Variants in DOT1L observed in about 807,000 individuals in gnomAD.
DOT1L encodes histone-lysine N-methyltransferase, H3 lysine-79 specific.
A neutral mutation model predicts 153.3 loss-of-function variants in DOT1L; 33 were observed. The observed-to-expected ratio is 0.22, with a 90% confidence interval of 0.16 to 0.29. The LOEUF (loss-of-function observed/expected upper bound fraction) is 0.29, where lower values mean the gene tolerates loss of function less well. DOT1L is among the 10% of genes least tolerant of loss of function. The probability of loss-of-function intolerance (pLI) is 1.00; values close to 1 mark genes in which losing one functional copy is unlikely to be tolerated. For missense variants in DOT1L, 1,847 were observed against 2,119.9 expected, an observed-to-expected ratio of 0.87 and a Z score of 2.53; for synonymous variants, 1,135 against 965.1, an observed-to-expected ratio of 1.18 and a Z score of -3.26.
chr19:2,216,193 A>T (rs2023890578), intron 19 of DOT1L, 88 bp from the exon 20 acceptor site: 2 of 1,486,310 alleles, frequency 1.3e-6, no homozygotes, highest in East Asian at 4.6e-5. Flanking sequence ...GGTCCTGGCC[A>T]CCCCTCCGGG....
chr19:2,176,494 G>A (rs1254420466), intron 1 of DOT1L, among the ~76,000 whole-genome samples: 1 of 152,182 alleles, frequency 6.6e-6, no homozygotes, highest in African/African-American at 2.4e-5. Flanking sequence ...ATAATGTCAC[G>A]CTGCCAAGGA....
chr19:2,213,174 G>A (rs758335797), intron 16 of DOT1L: 5 of 203,358 alleles, frequency 2.5e-5, no homozygotes, highest in East Asian at 1.3e-4. Flanking sequence ...TTGCTGTTAC[G>A]CTGCAGAAGG....
Position 2,166,077 on chromosome 19 carries a change from ATATGT to A in DOT1L, c.81+1834_81+1838del, listed in dbSNP as rs369384556. Among the ~76,000 whole-genome samples, 84 of 146,420 alleles carry A rather than the reference ATATGT, an allele frequency of 5.7e-4. 1 individual carries two copies. In the East Asian group the frequency reaches 7.1e-3, roughly 12 times the overall value. On this transcript the variant is annotated intron_variant, in intron 1 of 27. Transcript: ENST00000398665. Reference sequence around the variant, plus strand: ...GAGCCACCGCGCCCGGCCCACATTTATATGTTATGTTATGTTATGTTATGTTGTTA... The same window carrying A: ...GAGCCACCGCGCCCGGCCCACATTTATATGTTATGTTATGTTATGTTGTTA...
chr19:2,203,218 G>C (rs1214876380), intron 9 of DOT1L, among the ~76,000 whole-genome samples: 1 of 152,198 alleles, frequency 6.6e-6, no homozygotes, highest in African/African-American at 2.4e-5. Context: ...TTCTGCCTCA[G>C]CCTCCCAAGT....
In DOT1L at chr19:2,190,513, CCCT is replaced by C. The variant is rs2144739631; in HGVS notation, c.265-498_265-496del. Among the ~76,000 whole-genome samples the C allele has an allele frequency of 6.6e-6, 1 of 152,226 alleles. No individual in the cohort carries two copies. The highest frequency in any genetic ancestry group is 2.4e-5 in the African/African-American group (1 of 41,526). ...ACCTCATGCATGCAGCTCTGTGGGC[CCCT>C]GAGAGCTGAGCTGGCCTGGGCGAGA... On this transcript the variant is annotated intron_variant, in intron 4 of 27. Transcript: ENST00000398665. This position sits in a 1 kb window ranked among gnomAD's most constrained non-coding sequence, Gnocchi z 4.8.
chr19:2,193,690 T>G lies in DOT1L; in HGVS notation c.495T>G (p.Gly165=). ...DDDLFVDLGS[G]VGQVVLQVAA... is the part of the protein sequence containing the mutation. ...TCTGATGGATCTCTCTGATCATAGG[T>G]GTGGGCCAGGTCGTGCTCCAGGTTG... is the stretch of plus-strand genomic sequence containing the variant. Residue 165 remains glycine, a splice_region_variant and synonymous_variant, in exon 6 of 28, where the codon GGT becomes GGG. Transcript: ENST00000398665. The surrounding 1 kb of genome is among the most constrained non-coding windows in gnomAD (Gnocchi z 5.9). The G allele has an allele frequency of 6.2e-7, 1 of 1,614,012 alleles. No individual in the cohort carries two copies. The highest frequency in any genetic ancestry group is 8.5e-7 in the Non-Finnish European group (1 of 1,179,936).
chr19:2,210,483 G>A lies in DOT1L; in HGVS notation c.1089G>A (p.Lys363=), dbSNP rs2023667204. The part of the protein sequence containing the change: ...AATPTKGPEG[K]VAGPADAPMD... ...CGCCCACTAAGGGCCCAGAGGGCAA[G>A]GTGGCCGGCCCCGCCGACGCCCCCA... is the stretch of plus-strand genomic sequence containing the variant. Residue 363 remains lysine, a synonymous_variant, in exon 13 of 28, where the codon AAG becomes AAA. Coordinates refer to ENST00000398665, the MANE Select transcript of DOT1L (RefSeq NM_032482.3). The A allele has an allele frequency of 6.3e-7, 1 of 1,593,762 alleles. No individual in the cohort carries two copies. Among genetic ancestry groups the A allele is most frequent in the Admixed American group, 1.7e-5 (1 of 57,766 alleles).
chr19:2,188,698 C>G (rs1009365969), intron 3 of DOT1L, among the ~76,000 whole-genome samples: 1 of 152,222 alleles, frequency 6.6e-6, no homozygotes. Flanking sequence ...CCTCCTGTCT[C>G]TTGCTCTGCT....
intron 22 of DOT1L, among the ~76,000 whole-genome samples, chr19:2,219,309 G>GT (rs1030528704): frequency 6.6e-6 from 1 of 152,144 alleles, no homozygotes; most frequent in African/African-American, 2.4e-5. Context: ...TGCCCGGCCG[G>GT]TTTTTTGTAC....
Position 2,207,349 on chromosome 19 carries a change from T to A in DOT1L, c.857-225T>A, listed in dbSNP as rs2023537691. On this transcript the variant is annotated intron_variant, in intron 10 of 27. Transcript: ENST00000398665. This position sits in a 1 kb window ranked among gnomAD's most constrained non-coding sequence, Gnocchi z 4.5. ...CCTTTTCCATTCCACTCAGCTGGGTTTGTGGCTGTTTTTCTGAGGTTGGAG... is the reference window on the plus strand; with the variant it reads ...CCTTTTCCATTCCACTCAGCTGGGTATGTGGCTGTTTTTCTGAGGTTGGAG... Among the ~76,000 whole-genome samples, 1 of 152,216 alleles carries A rather than the reference T, an allele frequency of 6.6e-6. No homozygotes were observed. Among genetic ancestry groups the A allele is most frequent in the Non-Finnish European group, 1.5e-5 (1 of 68,022 alleles).
In DOT1L at chr19:2,191,891, G is replaced by A. The variant is rs1014111105; in HGVS notation, c.493+651G>A. Among the ~76,000 whole-genome samples, 1 of 152,190 alleles carries A rather than the reference G, an allele frequency of 6.6e-6. No homozygotes were observed. Among genetic ancestry groups the A allele is most frequent in the African/African-American group, 2.4e-5 (1 of 41,448 alleles). ...CACGGGCGGGGCTCCTTGAAACGAGGCCCTAGGTGTGTCTTCAGCAGCAGC... is the reference window on the plus strand; with the variant it reads ...CACGGGCGGGGCTCCTTGAAACGAGACCCTAGGTGTGTCTTCAGCAGCAGC... On this transcript the variant is annotated intron_variant, in intron 5 of 27. Transcript: ENST00000398665. The surrounding 1 kb of genome is among the most constrained non-coding windows in gnomAD (Gnocchi z 6.8).
chr19:2,213,652 C>G lies in DOT1L; in HGVS notation c.1659+12C>G. 1 of 1,613,480 alleles carries G rather than the reference C, an allele frequency of 6.2e-7. No individual in the cohort carries two copies. The highest frequency in any genetic ancestry group is 8.5e-7 in the Non-Finnish European group (1 of 1,179,792). Reference sequence around the variant, plus strand: ...AAAAATTGGATGAGGTAGTGGACCCCAGAGGGCAGGTGGCAGGTGGCAGCT... The same window carrying G: ...AAAAATTGGATGAGGTAGTGGACCCGAGAGGGCAGGTGGCAGGTGGCAGCT... On this transcript the variant is annotated intron_variant, in intron 17 of 27. Transcript: ENST00000398665.
intron 6 of DOT1L, 25 bp from the exon 7 acceptor site, chr19:2,194,490 G>C (rs118010194): frequency 2.5e-6 from 4 of 1,613,664 alleles, no homozygotes; most frequent in African/African-American, 2.7e-5. Flanking sequence ...AGTTTGTAAC[G>C]GGCGTTTGGT....
rs3746160 is a variant in DOT1L, at chr19:2,207,042, A to C, written c.856+245A>C. Among the ~76,000 whole-genome samples the C allele has an allele frequency of 6.6e-6, 1 of 152,010 alleles. No individual in the cohort carries two copies. Among genetic ancestry groups the C allele is most frequent in the South Asian group, 2.1e-4 (1 of 4,832 alleles). On this transcript the variant is annotated intron_variant, in intron 10 of 27. Coordinates refer to ENST00000398665, the MANE Select transcript of DOT1L (RefSeq NM_032482.3). The surrounding 1 kb of genome is among the most constrained non-coding windows in gnomAD (Gnocchi z 4.5). ...ATAGAGCACTGTGTGCCATGGGGGT[A>C]GAATCACTCCTCGGGGAGACCCCGG...
At chr19:2,194,190 A>G (rs2022917230) in intron 6 of DOT1L, among the ~76,000 whole-genome samples, 2 of 151,454 alleles carry the variant, frequency 1.3e-5, no homozygotes, top group East Asian at 2.0e-4. Context: ...TTTGTTTTTG[A>G]GACAGAGTCT....
intron 23 of DOT1L, chr19:2,221,630 T>C (rs532979572): frequency 2.8e-4 from 94 of 333,828 alleles, no homozygotes; most frequent in East Asian, 2.3e-4. Context: ...TTCCTCATGG[T>C]GTCTCTGAGA....
intron 5 of DOT1L, among the ~76,000 whole-genome samples, chr19:2,192,833 C>T (rs2022853841): frequency 6.6e-6 from 1 of 152,196 alleles, no homozygotes; most frequent in South Asian, 2.1e-4. Flanking sequence ...GCCTGGGTGA[C>T]AGAATCAGAC....
At chr19:2,174,896 CAG>C (rs961392787) in intron 1 of DOT1L, among the ~76,000 whole-genome samples, 4 of 151,986 alleles carry the variant, frequency 2.6e-5, no homozygotes, top group African/African-American at 9.7e-5. Context: ...CTCAACCTCC[CAG>C]AGTGCTGGGA....
chr19:2,184,985 C>T (rs1318580341), intron 2 of DOT1L, among the ~76,000 whole-genome samples: 2 of 152,136 alleles, frequency 1.3e-5, no homozygotes, highest in Non-Finnish European at 2.9e-5. Flanking sequence ...GTCAAGATGA[C>T]GCTGGCTGCA....
Sources: allele counts gnomAD v4.1 joint callset (sites outside exome capture counted in the v4.1 genomes callset), GRCh38; gene constraint gnomAD v4.1.1; non-coding constraint Gnocchi (gnomAD v3.1); transcripts MANE v1.5; gene names NCBI Gene and HGNC (gene_info 2026-07-23, HGNC 2026-07-21).